The following ARHGAP31 variants were observed in gnomAD, a reference collection of about 807,000 sequenced individuals.
The protein encoded by ARHGAP31 is Rho GTPase activating protein 31, also known as rho GTPase-activating protein 31.
Under a neutral mutation model 113.9 loss-of-function variants are expected in ARHGAP31, and 34 were observed. That is an observed-to-expected ratio of 0.30 (90% CI 0.23 to 0.40). The LOEUF is 0.40. ARHGAP31 is among the 10% of genes least tolerant of loss of function. The pLI is 1.00. For missense variants in ARHGAP31, 1,548 were observed against 1,767.1 expected (o/e 0.88, Z 2.22); for synonymous variants, 650 against 684.8 (o/e 0.95, Z 0.79).
At position 119,366,697 on chromosome 3, in the gene ARHGAP31, G is replaced by C. The variant is rs1421703696; in HGVS notation, c.203+1279G>C. ...TTATCCTTGACAAGAGAAATCTTTGGCTAAATAAATGAATAAGCTCTAGAT... is the reference window on the plus strand; with the variant it reads ...TTATCCTTGACAAGAGAAATCTTTGCCTAAATAAATGAATAAGCTCTAGAT... On this transcript the variant is annotated intron_variant, in intron 2 of 11. Coordinates refer to ENST00000264245, the MANE Select transcript of ARHGAP31 (RefSeq NM_020754.4). Among the ~76,000 whole-genome samples the C allele has an allele frequency of 2.0e-5, 3 of 151,866 alleles. No individual in the cohort carries two copies. The East Asian group carries it at 5.8e-4, about 29-fold the overall frequency.
At chr3:119,353,826 C>A (rs1482688215) in intron 1 of ARHGAP31, among the ~76,000 whole-genome samples, 4 of 151,416 alleles carry the variant, frequency 2.6e-5, no homozygotes, top group East Asian at 1.9e-4. Flanking sequence ...AGCTCAGGGA[C>A]CACTGCATAC....
chr3:119,296,667 C>A (rs1237308122), intron 1 of ARHGAP31, among the ~76,000 whole-genome samples: 2 of 152,082 alleles, frequency 1.3e-5, no homozygotes, highest in Non-Finnish European at 2.9e-5. Context: ...CCCCAGGGTT[C>A]TATGAAGATA....
chr3:119,367,641 G>A (rs562289690), intron 2 of ARHGAP31, among the ~76,000 whole-genome samples: 3 of 152,154 alleles, frequency 2.0e-5, no homozygotes, highest in African/African-American at 4.8e-5. Context: ...GTCAGATCAC[G>A]AGGTCAGGAG....
At chr3:119,373,179 CTAAA>C (rs1465654601) in intron 3 of ARHGAP31, among the ~76,000 whole-genome samples, 3 of 151,878 alleles carry the variant, frequency 2.0e-5, no homozygotes, top group Non-Finnish European at 4.4e-5. Flanking sequence ...AGGCAAATGA[CTAAA>C]TATAGGAACT....
intron 1 of ARHGAP31, among the ~76,000 whole-genome samples, chr3:119,340,454 G>A (rs2079998088): frequency 6.6e-6 from 1 of 152,198 alleles, no homozygotes; most frequent in Non-Finnish European, 1.5e-5. Flanking sequence ...CCACATCTAA[G>A]TCCAGCAGGA....
intron 3 of ARHGAP31, 95 bp downstream of exon 3, chr3:119,368,611 A>T: frequency 6.8e-7 from 1 of 1,468,394 alleles, no homozygotes. Flanking sequence ...AACACTCACC[A>T]GATGGTTGAC....
intron 1 of ARHGAP31, among the ~76,000 whole-genome samples, chr3:119,308,090 T>C (rs114850206): frequency 8.1e-4 from 124 of 152,262 alleles, no homozygotes; most frequent in African/African-American, 2.8e-3. Flanking sequence ...TGGAAGCTTG[T>C]ACACAGAATT....
chr3:119,414,293 A>T lies in ARHGAP31; in HGVS notation c.2364A>T (p.Pro788=), dbSNP rs61746581. Residue 788 remains proline (P), a synonymous_variant, in exon 12 of 12, where the codon CCA becomes CCT. Coordinates refer to ENST00000264245, the MANE Select transcript of ARHGAP31 (RefSeq NM_020754.4). The part of the protein sequence containing the change: ...SPPLPPAPPP[P]TPLEESTPVL... Reference sequence around the variant, plus strand: ...CACTCCCACCTGCTCCTCCCCCTCCAACTCCTCTGGAGGAGTCAACTCCAG... The same window carrying T: ...CACTCCCACCTGCTCCTCCCCCTCCTACTCCTCTGGAGGAGTCAACTCCAG... 263 of 1,614,078 alleles carry T rather than the reference A, an allele frequency of 1.6e-4. No homozygotes were observed. In the African/African-American group the frequency reaches 2.8e-3, roughly 17 times the overall value.
At chr3:119,306,264 T>G (rs969128835) in intron 1 of ARHGAP31, among the ~76,000 whole-genome samples, 3 of 152,138 alleles carry the variant, frequency 2.0e-5, no homozygotes, top group Non-Finnish European at 2.9e-5. Flanking sequence ...AGTAAAAGTT[T>G]TCAAATGGGG....
Position 119,294,782 on chromosome 3 carries a change from A to G in ARHGAP31, c.-123A>G, listed in dbSNP as rs2079517996. The G allele has an allele frequency of 4.3e-6, 4 of 934,298 alleles. No homozygotes were observed. The highest frequency in any genetic ancestry group is 1.9e-5 in the Admixed American group (1 of 52,580). The allele number at this position is 934,298 out of a possible 1,614,324, so 57.9% of individuals were successfully genotyped here. ...CAGGGCCCCCAGCCCAAGTTCTTCC[A>G]TCTTCCGATGCGGCCCCCCAGAGCC... On this transcript the variant is annotated 5_prime_UTR_variant, in exon 1 of 12. Coordinates refer to ENST00000264245, the MANE Select transcript of ARHGAP31 (RefSeq NM_020754.4).
intron 1 of ARHGAP31, among the ~76,000 whole-genome samples, chr3:119,302,827 T>C (rs2079596501): frequency 6.6e-6 from 1 of 152,230 alleles, no homozygotes; most frequent in Non-Finnish European, 1.5e-5. Flanking sequence ...AAAAGTGATT[T>C]TGCTCCCTTT....
At chr3:119,365,914 A>T (rs2080249530) in intron 2 of ARHGAP31, among the ~76,000 whole-genome samples, 1 of 152,172 alleles carries the variant, frequency 6.6e-6, no homozygotes, top group Non-Finnish European at 1.5e-5. Flanking sequence ...GATTTTAAAA[A>T]TTACTGATGG....
chr3:119,358,615 A>G (rs1236047694), intron 1 of ARHGAP31, among the ~76,000 whole-genome samples: 1 of 152,258 alleles, frequency 6.6e-6, no homozygotes, highest in African/African-American at 2.4e-5. Flanking sequence ...CAACTGGTGA[A>G]TGAATAAACA....
At position 119,306,303 on chromosome 3, in the gene ARHGAP31, A is replaced by AT. The variant is rs2079630239; in HGVS notation, c.100+11300dup. 2.0e-5 allele frequency among the ~76,000 whole-genome samples: 3 copies of AT among 152,156 alleles called. No homozygotes were observed. The South Asian group carries it at 6.2e-4, about 32-fold the overall frequency. ...GGTGTGGTGGCTCAGGCCTGTAATC[A>AT]TAGCACTTTGGGAGGTTAGGTGGGT... On this transcript the variant is annotated intron_variant, in intron 1 of 11. Transcript: ENST00000264245.
intron 1 of ARHGAP31, among the ~76,000 whole-genome samples, chr3:119,351,358 G>A (rs886601258): frequency 6.6e-6 from 1 of 152,182 alleles, no homozygotes; most frequent in African/African-American, 2.4e-5. Context: ...CTTGGTCTGT[G>A]ACTTGGTTTC....
intron 1 of ARHGAP31, among the ~76,000 whole-genome samples, chr3:119,337,662 G>A (rs139515269): frequency 8.0e-4 from 122 of 152,258 alleles, no homozygotes; most frequent in African/African-American, 2.3e-3. Context: ...TGATTGGTCC[G>A]TTTTTACTGA....
At chr3:119,309,826 C>G (rs1396956235) in intron 1 of ARHGAP31, among the ~76,000 whole-genome samples, 1 of 152,152 alleles carries the variant, frequency 6.6e-6, no homozygotes. Context: ...AAACCAGTCC[C>G]TGGTGCCAAA....
intron 1 of ARHGAP31, among the ~76,000 whole-genome samples, chr3:119,354,700 T>C (rs13097135): frequency 2.2e-5 from 3 of 136,666 alleles, no homozygotes. Flanking sequence ...TTTTTTTTTG[T>C]ATTTTTTAGC....
intron 1 of ARHGAP31, among the ~76,000 whole-genome samples, chr3:119,323,337 C>T (rs1418895991): frequency 2.0e-5 from 3 of 152,174 alleles, no homozygotes; most frequent in African/African-American, 7.2e-5. Flanking sequence ...CCAGGCCGCC[C>T]AGCACCTCGG....
Sources: allele counts gnomAD v4.1 joint callset (sites outside exome capture counted in the v4.1 genomes callset), GRCh38; gene constraint gnomAD v4.1.1; transcripts MANE v1.5; gene names NCBI Gene and HGNC (gene_info 2026-07-23, HGNC 2026-07-21).